SPATA17: variants seen among roughly 807,000 people sequenced by gnomAD.
SPATA17 encodes the protein spermatogenesis-associated protein 17.
Under a neutral mutation model 62.2 loss-of-function variants are expected in SPATA17, and 53 were observed. That is an observed-to-expected ratio of 0.85 (90% CI 0.68 to 1.07). SPATA17 has a LOEUF of 1.07. Among genes scored for constraint, SPATA17 ranks in the 50% least tolerant of loss-of-function variants. The probability of loss-of-function intolerance (pLI) is 0.00; values close to 1 mark genes in which losing one functional copy is unlikely to be tolerated. For missense variants in SPATA17, 466 were observed against 425.5 expected (o/e 1.10, Z -0.84); for synonymous variants, 146 against 146.8 (o/e 0.99, Z 0.04).
At chr1:217,687,989 A>G (rs536891549) in intron 5 of SPATA17, among the ~76,000 whole-genome samples, 74 of 152,290 alleles carry the variant, frequency 4.9e-4, no homozygotes, top group African/African-American at 1.6e-3. Flanking sequence ...TGTGAACTTA[A>G]AAAACATCAT....
intron 5 of SPATA17, among the ~76,000 whole-genome samples, chr1:217,717,632 T>A (rs4846429): frequency 0.17 from 26,251 of 152,016 alleles, 3,172 homozygotes; most frequent in East Asian, 0.58. Flanking sequence ...TAAGTAATTA[T>A]GTAAATCCTA....
chr1:217,744,180 C>CACAAACCTGACTAAAACACTTGAATCATA (rs1672694845), intron 6 of SPATA17, among the ~76,000 whole-genome samples: 18 of 117,018 alleles, frequency 1.5e-4, no homozygotes, highest in African/African-American at 2.7e-4. Context: ...AAAGAATTTT[C>CACAAACCTGACTAAAACACTTGAATCATA]GGCCGGGCGC....
chr1:217,735,793 A>G (rs1172241629), intron 5 of SPATA17, among the ~76,000 whole-genome samples: 1 of 152,116 alleles, frequency 6.6e-6, no homozygotes, highest in Admixed American at 6.5e-5. Flanking sequence ...TTTTAGTATT[A>G]TAGTTTGAAA....
chr1:217,638,525 A>G (rs774649949), intron 1 of SPATA17, among the ~76,000 whole-genome samples: 1 of 152,182 alleles, frequency 6.6e-6, no homozygotes, highest in Non-Finnish European at 1.5e-5. Context: ...AATTGAAAGT[A>G]CCTTTTACTG....
chr1:217,771,371 T>C (rs1673440820), intron 6 of SPATA17, among the ~76,000 whole-genome samples: 1 of 152,028 alleles, frequency 6.6e-6, no homozygotes, highest in Admixed American at 6.6e-5. Context: ...TATACCATAG[T>C]CCCTGAGGAT....
At position 217,868,068 on chromosome 1, in the gene SPATA17, T is replaced by A. The variant is rs1268223977; in HGVS notation, c.*1049T>A. ...AAAAAAGGAACCTATTAAAAAGACA[T>A]TATCTATCAATCACTGTGTGTGTAC... On this transcript the variant is annotated 3_prime_UTR_variant, in exon 11 of 11. Transcript: ENST00000366933. 6.6e-6 allele frequency: 1 copy of A among 152,222 alleles called. No individual in the cohort carries two copies. The highest frequency in any genetic ancestry group is 1.5e-5 in the Non-Finnish European group (1 of 68,032). 9.4% of individuals were successfully genotyped at this position (152,222 alleles called of 1,614,324 possible). A position where few individuals can be genotyped will look rare whatever the true frequency, so the allele number is the denominator to read the frequency against.
intron 8 of SPATA17, among the ~76,000 whole-genome samples, chr1:217,797,509 C>A (rs530015411): frequency 2.0e-5 from 3 of 152,204 alleles, no homozygotes; most frequent in African/African-American, 7.2e-5. Context: ...CTCAGCCTCC[C>A]AAAGTGCTGG....
chr1:217,793,222 T>TG (rs1371536493), intron 8 of SPATA17, among the ~76,000 whole-genome samples: 1 of 108,496 alleles, frequency 9.2e-6, no homozygotes, highest in Non-Finnish European at 2.0e-5. Flanking sequence ...GTGGTTTTTG[T>TG]TTTTTTTTTT....
At chr1:217,859,061 A>G (rs968843540) in intron 9 of SPATA17, among the ~76,000 whole-genome samples, 10 of 148,662 alleles carry the variant, frequency 6.7e-5, no homozygotes, top group Admixed American at 6.0e-4. Context: ...ATAAAATTAT[A>G]TATGTGTATA....
intron 9 of SPATA17, among the ~76,000 whole-genome samples, chr1:217,830,327 ACAGT>A (rs1332771351): frequency 6.6e-6 from 1 of 152,160 alleles, no homozygotes; most frequent in Non-Finnish European, 1.5e-5. Flanking sequence ...CATAAAAATG[ACAGT>A]CAAATTCTTT....
chr1:217,795,487 A>T (rs1261280244), intron 8 of SPATA17, among the ~76,000 whole-genome samples: 1 of 145,776 alleles, frequency 6.9e-6, no homozygotes, highest in African/African-American at 2.6e-5. Flanking sequence ...CTTCTGCCTC[A>T]GTCTCCCAAG....
At chr1:217,645,078 C>T (rs1042967972) in intron 1 of SPATA17, among the ~76,000 whole-genome samples, 44 of 152,026 alleles carry the variant, frequency 2.9e-4, no homozygotes, top group African/African-American at 1.0e-3. Context: ...AAAAAAAGGG[C>T]AACAGAGAAA....
chr1:217,853,014 G>A (rs1202566950), intron 9 of SPATA17, among the ~76,000 whole-genome samples: 1 of 152,078 alleles, frequency 6.6e-6, no homozygotes, highest in African/African-American at 2.4e-5. Context: ...ATGAAGTCAG[G>A]AATTTTTGCA....
At chr1:217,788,554 G>A (rs1673920790) in intron 8 of SPATA17, among the ~76,000 whole-genome samples, 2 of 152,102 alleles carry the variant, frequency 1.3e-5, no homozygotes, top group Admixed American at 6.6e-5. Flanking sequence ...AAATGGAAGA[G>A]GGAGGCAGAA....
At chr1:217,858,474 G>A (rs1412553379) in intron 9 of SPATA17, among the ~76,000 whole-genome samples, 1 of 152,218 alleles carries the variant, frequency 6.6e-6, no homozygotes, top group African/African-American at 2.4e-5. Context: ...GAGTTAGCAA[G>A]TGTTTCCTGT....
intron 5 of SPATA17, among the ~76,000 whole-genome samples, chr1:217,718,911 T>TA (rs1672064834): frequency 6.6e-6 from 1 of 152,172 alleles, no homozygotes; most frequent in Admixed American, 6.5e-5. Context: ...AGCCAGCATC[T>TA]AAGACCATAA....
chr1:217,681,415 C>A (rs1025450908), intron 4 of SPATA17, among the ~76,000 whole-genome samples: 2 of 151,646 alleles, frequency 1.3e-5, no homozygotes, highest in Non-Finnish European at 2.9e-5. Context: ...GCTCTGTCGC[C>A]CAGGCTGGAG....
chr1:217,869,553 T>A lies in SPATA17; in HGVS notation c.*2534T>A, dbSNP rs1676087998. ...GGGCCATTGCAAAATATGTCAAAAA[T>A]ATATATTTTAGGGTAAAATGCCTCA... is the stretch of plus-strand genomic sequence containing the variant. On this transcript the variant is annotated 3_prime_UTR_variant, in exon 11 of 11. Transcript: ENST00000366933. 1 of 152,114 alleles carries A rather than the reference T, an allele frequency of 6.6e-6. No individual in the cohort carries two copies. Among genetic ancestry groups the A allele is most frequent in the Admixed American group, 6.6e-5 (1 of 15,262 alleles). The allele number at this position is 152,114 out of a possible 1,614,324, so 9.4% of individuals were successfully genotyped here.
At chr1:217,811,176 G>A (rs879847890) in intron 9 of SPATA17, among the ~76,000 whole-genome samples, 2 of 151,974 alleles carry the variant, frequency 1.3e-5, no homozygotes, top group Non-Finnish European at 2.9e-5. Context: ...TGGGATTACA[G>A]GCATGCACCA....
Sources: allele counts gnomAD v4.1 joint callset (sites outside exome capture counted in the v4.1 genomes callset), GRCh38; gene constraint gnomAD v4.1.1; transcripts MANE v1.5; gene names NCBI Gene and HGNC (gene_info 2026-07-23, HGNC 2026-07-21).